Variants in NEGR1 observed in about 807,000 individuals in gnomAD.
NEGR1 encodes the protein IgLON family member 4.
NEGR1 carries 10 observed loss-of-function variants against 40.9 expected under a neutral mutation model. That is an observed-to-expected ratio of 0.24 (90% CI 0.15 to 0.42). NEGR1 has a LOEUF of 0.42. Ranked by LOEUF, NEGR1 falls within the 10% of genes least tolerant of loss-of-function variation. The pLI, the probability that NEGR1 is intolerant of heterozygous loss-of-function variation, is 1.00. For missense variants in NEGR1, 352 were observed against 438.9 expected (o/e 0.80, Z 1.77); for synonymous variants, 185 against 166.8 (o/e 1.11, Z -0.84).
At chr1:71,977,780 A>T (rs1238292036) in intron 1 of NEGR1, among the ~76,000 whole-genome samples, 1 of 150,616 alleles carries the variant, frequency 6.6e-6, no homozygotes, top group African/African-American at 2.4e-5. Flanking sequence ...AGTCAAAAAA[A>T]AAAAAAAAAG....
intron 3 of NEGR1, among the ~76,000 whole-genome samples, chr1:71,772,382 C>T (rs1021085442): frequency 3.3e-5 from 5 of 151,270 alleles, no homozygotes; most frequent in Admixed American, 1.3e-4. Context: ...CTAGTCTAGG[C>T]GACAGAGTGA....
chr1:71,906,494 T>C (rs907049065), intron 2 of NEGR1, among the ~76,000 whole-genome samples: 3 of 151,178 alleles, frequency 2.0e-5, no homozygotes. Context: ...AAAAAAAAAG[T>C]TGAGATCTGA....
chr1:71,632,007 T>A (rs756164317), intron 4 of NEGR1, among the ~76,000 whole-genome samples: 1 of 151,630 alleles, frequency 6.6e-6, no homozygotes, highest in Non-Finnish European at 1.5e-5. Flanking sequence ...AATAATAAAA[T>A]CTACTTCAAA....
intron 2 of NEGR1, among the ~76,000 whole-genome samples, chr1:71,876,674 A>T (rs1206965971): frequency 6.6e-6 from 1 of 152,086 alleles, no homozygotes; most frequent in East Asian, 1.9e-4. Flanking sequence ...TAACAGTATT[A>T]AGTGAATTCT....
intron 4 of NEGR1, among the ~76,000 whole-genome samples, chr1:71,694,234 AT>A (rs970544608): frequency 4.0e-5 from 6 of 150,312 alleles, no homozygotes; most frequent in East Asian, 1.9e-4. Flanking sequence ...AAATGTGTCA[AT>A]TTTTTTTTCT....
At chr1:72,180,559 A>G (rs773312297) in intron 1 of NEGR1, among the ~76,000 whole-genome samples, 29 of 152,236 alleles carry the variant, frequency 1.9e-4, no homozygotes, top group Non-Finnish European at 3.4e-4. Context: ...TTTATAAACA[A>G]TATATCTGAT....
intron 1 of NEGR1, among the ~76,000 whole-genome samples, chr1:72,026,589 T>C (rs1356282138): frequency 6.6e-6 from 1 of 152,138 alleles, no homozygotes; most frequent in Non-Finnish European, 1.5e-5. Flanking sequence ...TTATCTCCAA[T>C]ATAGTCTTCA....
chr1:71,750,970 T>C (rs532998729), intron 3 of NEGR1, among the ~76,000 whole-genome samples: 1 of 152,260 alleles, frequency 6.6e-6, no homozygotes, highest in African/African-American at 2.4e-5. Flanking sequence ...ATTTACAGAA[T>C]TGAAGGACTT....
chr1:71,509,489 T>TG (rs1647058808), intron 6 of NEGR1, among the ~76,000 whole-genome samples: 1 of 152,212 alleles, frequency 6.6e-6, no homozygotes, highest in Non-Finnish European at 1.5e-5. Flanking sequence ...CCATATACCC[T>TG]GGGCTTATGT....
intron 1 of NEGR1, among the ~76,000 whole-genome samples, chr1:72,099,872 A>ACT (rs199653788): frequency 6.6e-6 from 1 of 150,898 alleles, no homozygotes; most frequent in Non-Finnish European, 1.5e-5. Flanking sequence ...CATTATATAT[A>ACT]CTCTCTCTCT....
Position 71,942,787 on chromosome 1 carries a change from C to G in NEGR1, c.177-7476G>C, listed in dbSNP as rs1645978678. 2.0e-5 allele frequency among the ~76,000 whole-genome samples: 3 copies of G among 148,538 alleles called. No homozygotes were observed. In the South Asian group the frequency reaches 6.4e-4, roughly 32 times the overall value. On this transcript the variant is annotated intron_variant, in intron 1 of 6. Coordinates refer to ENST00000357731, the MANE Select transcript of NEGR1 (RefSeq NM_173808.3). ...AAAGTGCTGGGATTACAGGCGTGAG[C>G]CACCGCGCCCGGCCTAAATCTATAT...
At chr1:72,025,195 C>T (rs966091499) in intron 1 of NEGR1, among the ~76,000 whole-genome samples, 1 of 152,022 alleles carries the variant, frequency 6.6e-6, no homozygotes, top group African/African-American at 2.4e-5. Context: ...TACATTGACT[C>T]CATCAAAAAA....
intron 1 of NEGR1, among the ~76,000 whole-genome samples, chr1:71,966,616 A>G (rs1646211756): frequency 6.6e-6 from 1 of 152,202 alleles, no homozygotes; most frequent in Non-Finnish European, 1.5e-5. Context: ...TCTAACTTAT[A>G]TGAAAGAATC....
intron 1 of NEGR1, among the ~76,000 whole-genome samples, chr1:72,199,680 C>A (rs1653132403): frequency 6.6e-6 from 1 of 151,928 alleles, no homozygotes; most frequent in African/African-American, 2.4e-5. Flanking sequence ...TTGCAATATG[C>A]ATTTTTAAAT....
At chr1:72,247,231 T>C (rs960102165) in intron 1 of NEGR1, among the ~76,000 whole-genome samples, 2 of 152,244 alleles carry the variant, frequency 1.3e-5, no homozygotes, top group African/African-American at 4.8e-5. Context: ...TGAATATCTC[T>C]GAAGGTGGTT....
chr1:71,585,128 A>C (rs967981391), intron 6 of NEGR1, among the ~76,000 whole-genome samples: 6 of 152,170 alleles, frequency 3.9e-5, no homozygotes, highest in African/African-American at 1.4e-4. Context: ...TTTTTGTCGA[A>C]TAAAAATAAT....
intron 4 of NEGR1, among the ~76,000 whole-genome samples, chr1:71,690,254 T>C (rs1335900990): frequency 2.0e-5 from 3 of 152,016 alleles, no homozygotes; most frequent in Non-Finnish European, 4.4e-5. Flanking sequence ...TTGTTCATTC[T>C]ATAAATGGCT....
At chr1:72,246,107 A>T (rs182909169) in intron 1 of NEGR1, among the ~76,000 whole-genome samples, 1 of 152,302 alleles carries the variant, frequency 6.6e-6, no homozygotes, top group African/African-American at 2.4e-5. Context: ...ATCCCATTCA[A>T]AAAAACAAAA....
chr1:72,198,481 A>T (rs1653079068), intron 1 of NEGR1, among the ~76,000 whole-genome samples: 1 of 151,928 alleles, frequency 6.6e-6, no homozygotes, highest in Non-Finnish European at 1.5e-5. Context: ...AACCTCTGGA[A>T]GGTAATGTGT....
Sources: allele counts gnomAD v4.1 joint callset (sites outside exome capture counted in the v4.1 genomes callset), GRCh38; gene constraint gnomAD v4.1.1; transcripts MANE v1.5; gene names NCBI Gene and HGNC (gene_info 2026-07-23, HGNC 2026-07-21).